KIF1B: variants seen among roughly 807,000 people sequenced by gnomAD.
KIF1B encodes the protein kinesin-like protein KIF1B.
A neutral mutation model predicts 241.9 loss-of-function variants in KIF1B; 76 were observed. The ratio of observed to expected loss-of-function variants is 0.31; its 90% CI spans 0.26 to 0.38. The LOEUF is 0.38. Among genes scored for constraint, KIF1B ranks in the 10% least tolerant of loss-of-function variants. The pLI is 1.00. For synonymous variants in KIF1B, 750 were observed against 796.7 expected (o/e 0.94, Z 0.99); for missense variants, 1,622 against 2,271.4 (o/e 0.71, Z 5.81).
At chr1:10,306,304 G>T in intron 22 of KIF1B, 1 of 1,046,858 alleles carries the variant, frequency 9.6e-7, no homozygotes, top group Non-Finnish European at 1.2e-6. Context: ...ACAATCTCCT[G>T]TGCCATTTGG....
chr1:10,275,668 G>T (rs1365468250), intron 11 of KIF1B, among the ~76,000 whole-genome samples, 165 bp downstream of exon 11: 2 of 152,068 alleles, frequency 1.3e-5, no homozygotes, highest in Non-Finnish European at 2.9e-5. Context: ...CAGTTGGTTG[G>T]ATTCCCTTGG....
At position 10,337,574 on chromosome 1, in the gene KIF1B, C is replaced by A; in HGVS notation, c.3422+41C>A. 1 of 1,610,246 alleles carries A rather than the reference C, an allele frequency of 6.2e-7. No homozygotes were observed. Among genetic ancestry groups the A allele is most frequent in the Non-Finnish European group, 8.5e-7 (1 of 1,176,516 alleles). ...GCTCTGCCTCCCAGCTAGCTGCTAA[C>A]CGAGGTGACATCTCTTGTGCACTGT... is the stretch of plus-strand genomic sequence containing the variant. On this transcript the variant is annotated intron_variant, in intron 31 of 48. Transcript: ENST00000676179. The surrounding 1 kb of genome is among the most constrained non-coding windows in gnomAD (Gnocchi z 4.0).
intron 35 of KIF1B, among the ~76,000 whole-genome samples, 158 bp downstream of exon 35, chr1:10,346,111 G>A (rs995543677): frequency 6.6e-6 from 1 of 152,134 alleles, no homozygotes; most frequent in African/African-American, 2.4e-5. Flanking sequence ...ATGCAGTCTT[G>A]TTATGTTGAC....
chr1:10,270,792 G>C (rs1319240965), intron 7 of KIF1B, among the ~76,000 whole-genome samples: 3 of 151,994 alleles, frequency 2.0e-5, no homozygotes, highest in Admixed American at 2.0e-4. Flanking sequence ...TGGGCGTGGT[G>C]GTGGGCGCCT....
chr1:10,362,178 G>A (rs1638441357), intron 40 of KIF1B, among the ~76,000 whole-genome samples: 1 of 152,134 alleles, frequency 6.6e-6, no homozygotes, highest in Admixed American at 6.6e-5. Flanking sequence ...TACAAAATAT[G>A]TCAGGAATAA....
At chr1:10,292,017 A>C in intron 16 of KIF1B, 30 bp from the exon 17 acceptor site, 1 of 1,573,004 alleles carries the variant, frequency 6.4e-7, no homozygotes, top group Admixed American at 1.7e-5. Context: ...TTTTGGTATT[A>C]GTGTTCTGAT....
At chr1:10,336,436 C>G (rs761327344) in intron 28 of KIF1B, among the ~76,000 whole-genome samples, 1 of 152,196 alleles carries the variant, frequency 6.6e-6, no homozygotes, top group Admixed American at 6.5e-5. Context: ...CGTGAGCCAC[C>G]GCACCCGGCC....
At chr1:10,295,574 G>A in intron 18 of KIF1B, 86 bp from the exon 19 acceptor site, 5 of 1,219,974 alleles carry the variant, frequency 4.1e-6, no homozygotes, top group Non-Finnish European at 6.1e-6. Context: ...ACGTACCAAA[G>A]GATATTCTTT....
rs3748580 is a variant in KIF1B at position 10,379,456 on chromosome 1, C to T, written c.*2869C>T. 4,367 of 231,760 alleles carry T rather than the reference C, an allele frequency of 0.019. 103 individuals carry two copies. The highest frequency in any genetic ancestry group is 0.052 in the East Asian group (851 of 16,348). The allele number at this position is 231,760 out of a possible 1,614,324, so 14.4% of individuals were successfully genotyped here. ...AGACAGCCTTTGCTGGTCCCCAGCA[C>T]GTCCAGGGTGGGTGCTCCCTTGCCC... On this transcript the variant is annotated 3_prime_UTR_variant, in exon 49 of 49. Transcript: ENST00000676179.
intron 10 of KIF1B, 71 bp from the exon 11 acceptor site, chr1:10,275,357 A>G: frequency 1.2e-6 from 1 of 812,904 alleles, no homozygotes; most frequent in Non-Finnish European, 2.2e-6. Context: ...GGAATTTTAG[A>G]CTGATTTGCC....
rs1639018760 is a variant in KIF1B at position 10,381,367 on chromosome 1, GT to G, written c.*4781del. 1 of 222,838 alleles carries G rather than the reference GT, an allele frequency of 4.5e-6. No individual in the cohort carries two copies. Among genetic ancestry groups the G allele is most frequent in the South Asian group, 1.8e-4 (1 of 5,446 alleles). 13.8% of individuals were successfully genotyped at this position (222,838 alleles called of 1,614,324 possible). On this transcript the variant is annotated 3_prime_UTR_variant, in exon 49 of 49. Coordinates refer to ENST00000676179, the MANE Select transcript of KIF1B (RefSeq NM_001365951.3). Reference sequence around the variant, plus strand: ...AGGAGTTGAGCACATTAGCAACAATGTACATTAATTTTGGATTTTCATTTTC... The same window carrying G: ...AGGAGTTGAGCACATTAGCAACAATGACATTAATTTTGGATTTTCATTTTC...
chr1:10,375,420 A>G, intron 48 of KIF1B, 47 bp downstream of exon 48: 2 of 1,517,918 alleles, frequency 1.3e-6, no homozygotes, highest in Non-Finnish European at 1.8e-6. Context: ...ACGGAGTCTC[A>G]CTTTTTCTCC....
intron 22 of KIF1B, among the ~76,000 whole-genome samples, chr1:10,318,580 A>G (rs1224441988): frequency 1.3e-5 from 2 of 152,028 alleles, no homozygotes; most frequent in Non-Finnish European, 2.9e-5. Context: ...TTAGTCGGGC[A>G]TGGTGGCGGG....
intron 38 of KIF1B, among the ~76,000 whole-genome samples, chr1:10,354,574 A>G (rs376650410): frequency 6.6e-6 from 1 of 152,170 alleles, no homozygotes; most frequent in Non-Finnish European, 1.5e-5. Context: ...AAAACATTCA[A>G]CTTAGTTTTC....
chr1:10,244,640 T>C (rs1571128203), intron 2 of KIF1B, among the ~76,000 whole-genome samples: 2 of 95,656 alleles, frequency 2.1e-5, no homozygotes, highest in Admixed American at 1.3e-4. Flanking sequence ...TGAGACGGAG[T>C]CTTGCTCTGT....
chr1:10,365,786 C>A lies in KIF1B; in HGVS notation c.4752+138C>A, dbSNP rs530942902. 11 of 1,259,232 alleles carry A rather than the reference C, an allele frequency of 8.7e-6. 1 individual carries two copies. The African/African-American group carries it at 1.6e-4, about 18-fold the overall frequency. The allele number at this position is 1,259,232 out of a possible 1,614,324, so 78.0% of individuals were successfully genotyped here. On this transcript the variant is annotated intron_variant, in intron 43 of 48. Coordinates refer to ENST00000676179, the MANE Select transcript of KIF1B (RefSeq NM_001365951.3). This position sits in a 1 kb window ranked among gnomAD's most constrained non-coding sequence, Gnocchi z 4.0. ...TACTGTGAATGTAGAAATAAAAAGA[C>A]GCAGTTCCTACCCTCAACAAGCTTA...
intron 5 of KIF1B, among the ~76,000 whole-genome samples, chr1:10,262,982 T>C (rs1235306318): frequency 6.6e-6 from 1 of 152,170 alleles, no homozygotes; most frequent in East Asian, 1.9e-4. Flanking sequence ...TGATAAACAT[T>C]CTCTCTGTTT....
chr1:10,335,163 A>C (rs1457121256), intron 28 of KIF1B, among the ~76,000 whole-genome samples: 1 of 152,148 alleles, frequency 6.6e-6, no homozygotes, highest in Non-Finnish European at 1.5e-5. Context: ...CATAGTCTCG[A>C]TCGAACTCCT....
At chr1:10,325,962 T>C (rs186452166) in intron 26 of KIF1B, 149 bp from the exon 27 acceptor site, 2 of 1,075,572 alleles carry the variant, frequency 1.9e-6, no homozygotes, top group African/African-American at 1.5e-5. Context: ...CCAAATGATT[T>C]ATGCTTATTT....
Sources: allele counts gnomAD v4.1 joint callset (sites outside exome capture counted in the v4.1 genomes callset), GRCh38; gene constraint gnomAD v4.1.1; non-coding constraint Gnocchi (gnomAD v3.1); transcripts MANE v1.5; gene names NCBI Gene and HGNC (gene_info 2026-07-23, HGNC 2026-07-21).